The following MAOB variants were observed in gnomAD, a reference collection of about 807,000 sequenced individuals.
The protein encoded by MAOB is amine oxidase [flavin-containing] B.
In MAOB, 15 loss-of-function variants were observed where a neutral mutation model predicts 41.9. The ratio of observed to expected loss-of-function variants is 0.36; its 90% CI spans 0.24 to 0.55. The LOEUF is 0.55. Among genes scored for constraint, MAOB ranks in the 20% least tolerant of loss-of-function variants. MAOB has a pLI of 0.86. For synonymous variants in MAOB, 167 were observed against 144.2 expected (o/e 1.16, Z -1.13); for missense variants, 345 against 398.7 (o/e 0.87, Z 1.15).
At chrX:43,843,882 T>C in intron 1 of MAOB, 118 bp from the exon 2 acceptor site, 1 of 1,056,156 alleles carries the variant, frequency 9.5e-7, no homozygotes, top group South Asian at 3.2e-5. Flanking sequence ...TATTGTTACA[T>C]TCAACTTACA....
intron 3 of MAOB, among the ~76,000 whole-genome samples, chrX:43,817,449 T>A (rs769501001): frequency 9.0e-6 from 1 of 111,614 alleles, no homozygotes; most frequent in East Asian, 2.8e-4. Context: ...TCCAAGCCAC[T>A]GTCAGTTCTA....
Position 43,795,773 on chromosome X carries a change from A to G in MAOB, c.734T>C (p.Val245Ala), listed in dbSNP as rs772327693. The change falls in exon 7 of 15, where the codon GTC (valine) becomes GCC (alanine). Residue 245 changes from valine to alanine, a missense_variant. Val to Ala is a moderately conservative substitution (Grantham distance 64, BLOSUM62 0). Transcript: ENST00000378069. ...CTCATGGTTTAGGGTCTCCACAAGG[A>G]CATTTTCTCTTGTCTGGTCAATGTA... ...VIYIDQTRENVLVETLNHEMY... is the reference protein window; with the variant it reads ...VIYIDQTRENALVETLNHEMY... 3 of 1,210,586 alleles carry G rather than the reference A, an allele frequency of 2.5e-6. No individual in the cohort carries two copies. The highest frequency in any genetic ancestry group is 3.0e-5 in the East Asian group (1 of 33,826).
At chrX:43,774,136 C>G (rs1345671359) in intron 12 of MAOB, among the ~76,000 whole-genome samples, 2 of 111,787 alleles carry the variant, frequency 1.8e-5, no homozygotes, top group African/African-American at 6.5e-5. Context: ...TCCACTTACC[C>G]CCTCTGTTTG....
chrX:43,792,153 T>C (rs1056841619), intron 8 of MAOB, among the ~76,000 whole-genome samples: 10 of 112,361 alleles, frequency 8.9e-5, no homozygotes, highest in African/African-American at 3.2e-4. Context: ...TTTATTGATT[T>C]ACAAAGAGTT....
intron 3 of MAOB, among the ~76,000 whole-genome samples, chrX:43,808,793 C>T (rs968871690): frequency 6.3e-5 from 7 of 110,553 alleles, no homozygotes; most frequent in African/African-American, 1.3e-4. Context: ...CAACGTCTGC[C>T]TCCTTGGTTC....
chrX:43,819,996 A>G (rs1474728357), intron 3 of MAOB, among the ~76,000 whole-genome samples: 1 of 112,238 alleles, frequency 8.9e-6, no homozygotes, highest in Non-Finnish European at 1.9e-5. Flanking sequence ...TGTGCCATGA[A>G]CAAAAGTGAA....
At chrX:43,769,464 CAGAGA>C (rs1439842922) in intron 12 of MAOB, 46 bp from the exon 13 acceptor site, 2 of 1,161,269 alleles carry the variant, frequency 1.7e-6, no homozygotes, top group Non-Finnish European at 2.3e-6. Flanking sequence ...CTCAGAGAGT[CAGAGA>C]AAAGTTTTCC....
intron 7 of MAOB, 129 bp from the exon 8 acceptor site, chrX:43,793,707 C>A: frequency 1.9e-6 from 1 of 521,420 alleles, no homozygotes; most frequent in Non-Finnish European, 3.1e-6. Flanking sequence ...TTTGTCGAAA[C>A]CTAAAGTAGC....
At position 43,767,235 on chromosome X, in the gene MAOB, A is replaced by G; in HGVS notation, c.*231T>C. 2.9e-6 allele frequency: 1 copy of G among 347,420 alleles called. No individual in the cohort carries two copies. The highest frequency in any genetic ancestry group is 5.0e-6 in the Non-Finnish European group (1 of 201,426). 28.6% of individuals were successfully genotyped at this position (347,420 alleles called of 1,213,427 possible). A position where few individuals can be genotyped will look rare whatever the true frequency, so the allele number is the denominator to read the frequency against. Reference sequence around the variant, plus strand: ...AACTATTCTAAAGATTTTGAGGGCAATAAACTTGGAAACTGGTGAAACAGA... The same window carrying G: ...AACTATTCTAAAGATTTTGAGGGCAGTAAACTTGGAAACTGGTGAAACAGA... On this transcript the variant is annotated 3_prime_UTR_variant, in exon 15 of 15. Coordinates refer to ENST00000378069, the MANE Select transcript of MAOB (RefSeq NM_000898.5).
chrX:43,870,308 A>G (rs994041173), intron 1 of MAOB, among the ~76,000 whole-genome samples: 1 of 112,224 alleles, frequency 8.9e-6, no homozygotes, highest in Non-Finnish European at 1.9e-5. Context: ...CGGAGGCTCT[A>G]AATTTCAGCT....
At chrX:43,829,699 T>C (rs2034992522) in intron 3 of MAOB, among the ~76,000 whole-genome samples, 2 of 112,309 alleles carry the variant, frequency 1.8e-5, no homozygotes, top group Admixed American at 1.9e-4. Flanking sequence ...TTCTTTGTGA[T>C]GACAGATGTT....
chrX:43,824,511 C>T (rs1452567662), intron 3 of MAOB, among the ~76,000 whole-genome samples: 2 of 111,132 alleles, frequency 1.8e-5, no homozygotes, highest in South Asian at 7.8e-4. Context: ...TGGCAAAACC[C>T]GTCTCTACTA....
intron 8 of MAOB, among the ~76,000 whole-genome samples, chrX:43,782,453 C>T (rs1469256600): frequency 9.0e-6 from 1 of 110,992 alleles, no homozygotes; most frequent in Admixed American, 9.6e-5. Context: ...AGAAATCGAA[C>T]CCCTGAATAG....
At chrX:43,795,936 A>T (rs2034522699) in intron 6 of MAOB, 48 bp from the exon 7 acceptor site, 1 of 1,160,716 alleles carries the variant, frequency 8.6e-7, no homozygotes, top group Admixed American at 2.4e-5. Context: ...ATGGGCATAA[A>T]TTGCTAAATT....
intron 1 of MAOB, among the ~76,000 whole-genome samples, chrX:43,855,272 ATTC>A (rs1368756992): frequency 1.8e-5 from 2 of 112,040 alleles, no homozygotes; most frequent in East Asian, 5.6e-4. Context: ...AGCCAAGCAG[ATTC>A]TTCTTCTTTT....
At chrX:43,830,280 G>A (rs1324945106) in intron 3 of MAOB, among the ~76,000 whole-genome samples, 1 of 111,021 alleles carries the variant, frequency 9.0e-6, no homozygotes, top group Non-Finnish European at 1.9e-5. Context: ...AGTAAATCCT[G>A]AGATGCCTCC....
At chrX:43,842,365 C>T in intron 2 of MAOB, among the ~76,000 whole-genome samples, 1 of 112,064 alleles carries the variant, frequency 8.9e-6, no homozygotes, top group East Asian at 2.8e-4. Context: ...GAGATATCAC[C>T]TCACACCTGT....
At chrX:43,770,568 T>C (rs777946836) in intron 12 of MAOB, among the ~76,000 whole-genome samples, 1 of 111,912 alleles carries the variant, frequency 8.9e-6, no homozygotes, top group African/African-American at 3.2e-5. Context: ...CACTTAGTTA[T>C]ACTTCCTCTC....
intron 1 of MAOB, among the ~76,000 whole-genome samples, chrX:43,872,672 A>G (rs1453600982): frequency 8.9e-6 from 1 of 112,194 alleles, no homozygotes; most frequent in Admixed American, 9.5e-5. Flanking sequence ...TTGTGATACA[A>G]TCATATGAAC....
Sources: gnomAD v4.1 joint callset for allele counts (sites outside exome capture counted in the v4.1 genomes callset) on GRCh38, gnomAD v4.1.1 for gene constraint, MANE v1.5 for transcripts, NCBI Gene and HGNC (gene_info 2026-07-23, HGNC 2026-07-21) for gene names.